PDE1C: variants seen among roughly 807,000 people sequenced by gnomAD.
PDE1C encodes dual specificity calcium/calmodulin-dependent 3',5'-cyclic nucleotide phosphodiesterase 1C.
Under a neutral mutation model 93.1 loss-of-function variants are expected in PDE1C, and 62 were observed. The observed-to-expected ratio is 0.67, with a 90% confidence interval of 0.54 to 0.82. PDE1C has a LOEUF of 0.82. PDE1C is among the 40% of genes least tolerant of loss of function. The pLI is 0.00. For missense variants in PDE1C, 742 were observed against 884.6 expected (o/e 0.84, Z 2.04); for synonymous variants, 325 against 310.1 (o/e 1.05, Z -0.50).
the PDE1C span, among the ~76,000 whole-genome samples, chr7:31,627,684 T>A: frequency 5.9e-4 from 47 of 80,122 alleles, no homozygotes; most frequent in African/African-American, 1.8e-3. Context: ...AAAAAAAAAA[T>A]TCAGTAAACA....
intron 1 of PDE1C, among the ~76,000 whole-genome samples, chr7:32,361,021 G>A (rs1053378324): frequency 1.3e-5 from 2 of 152,160 alleles, no homozygotes; most frequent in African/African-American, 4.8e-5. Flanking sequence ...CTATTTTACA[G>A]GCATGGAGGA....
the PDE1C span, among the ~76,000 whole-genome samples, chr7:31,625,514 T>C: frequency 6.6e-6 from 1 of 152,074 alleles, no homozygotes; most frequent in Non-Finnish European, 1.5e-5. Context: ...CAATAAACTA[T>C]TGCAAGAACA....
At chr7:32,422,559 G>C (rs1471125046) in intron 1 of PDE1C, among the ~76,000 whole-genome samples, 1 of 149,950 alleles carries the variant, frequency 6.7e-6, no homozygotes, top group East Asian at 2.0e-4. Flanking sequence ...CCAATGTTTA[G>C]TTCCCACTTA....
At chr7:31,691,797 TAAAA>T in the PDE1C span, among the ~76,000 whole-genome samples, 7 of 86,558 alleles carry the variant, frequency 8.1e-5, no homozygotes, top group Non-Finnish European at 1.3e-4. Context: ...ATGTAATGAT[TAAAA>T]AAAAAAAAAA....
intron 1 of PDE1C, among the ~76,000 whole-genome samples, chr7:32,287,500 C>A (rs914723706): frequency 1.3e-5 from 2 of 152,224 alleles, no homozygotes; most frequent in African/African-American, 4.8e-5. Flanking sequence ...ACAGTTATAC[C>A]AATGTCTGTG....
At chr7:32,367,021 TC>T (rs1213629368) in intron 1 of PDE1C, among the ~76,000 whole-genome samples, 1 of 150,826 alleles carries the variant, frequency 6.6e-6, no homozygotes, top group Non-Finnish European at 1.5e-5. Flanking sequence ...AGAGTGAGAC[TC>T]CATCAAAAAA....
the PDE1C span, among the ~76,000 whole-genome samples, chr7:31,739,708 T>A: frequency 6.6e-6 from 1 of 152,018 alleles, no homozygotes; most frequent in Non-Finnish European, 1.5e-5. Context: ...AGAAGCACAC[T>A]CTCAGTGCAG....
At chr7:31,736,055 T>C in the PDE1C span, among the ~76,000 whole-genome samples, 15 of 152,316 alleles carry the variant, frequency 9.8e-5, no homozygotes, top group East Asian at 1.2e-3. Flanking sequence ...GGATTTTTTT[T>C]CCCCAAATAT....
At chr7:31,697,289 A>G in the PDE1C span, among the ~76,000 whole-genome samples, 1 of 152,164 alleles carries the variant, frequency 6.6e-6, no homozygotes, top group Admixed American at 6.5e-5. Flanking sequence ...TATCTCTACT[A>G]GTAGCTCCCC....
At chr7:31,891,620 T>C (rs10236871) in intron 2 of PDE1C, among the ~76,000 whole-genome samples, 23,498 of 152,080 alleles carry the variant, frequency 0.15, 2,454 homozygotes, top group East Asian at 0.26. Context: ...ATTTATGTAA[T>C]ATTCTTAAAA....
chr7:31,935,136 C>T (rs550580205), intron 2 of PDE1C, among the ~76,000 whole-genome samples: 4 of 152,096 alleles, frequency 2.6e-5, no homozygotes, highest in Non-Finnish European at 4.4e-5. Context: ...ATAGTGCTAG[C>T]GTTGATACAG....
intron 17 of PDE1C, among the ~76,000 whole-genome samples, chr7:31,768,729 C>T (rs1795296596): frequency 6.6e-6 from 1 of 152,116 alleles, no homozygotes; most frequent in South Asian, 2.1e-4. Flanking sequence ...CTGATGTGCT[C>T]ACCCCTAATT....
the PDE1C span, among the ~76,000 whole-genome samples, chr7:31,675,481 C>T: frequency 6.6e-6 from 1 of 152,214 alleles, no homozygotes; most frequent in South Asian, 2.1e-4. Flanking sequence ...ACATCCCCCA[C>T]TGGACTTCTT....
the PDE1C span, among the ~76,000 whole-genome samples, chr7:31,636,588 G>A: frequency 2.0e-5 from 3 of 152,074 alleles, no homozygotes; most frequent in African/African-American, 7.2e-5. Flanking sequence ...TTCCCCTAAT[G>A]CCTATATAGT....
chr7:32,300,443 TA>T (rs1004894389), upstream of PDE1C, among the ~76,000 whole-genome samples: 1 of 152,162 alleles, frequency 6.6e-6, no homozygotes, highest in African/African-American at 2.4e-5. Flanking sequence ...AATCATCATG[TA>T]GTCCTTGAGA....
intron 2 of PDE1C, among the ~76,000 whole-genome samples, chr7:32,203,191 A>G (rs1004240967): frequency 4.6e-5 from 7 of 150,602 alleles, no homozygotes; most frequent in African/African-American, 1.7e-4. Context: ...TCCCCCACTC[A>G]TGGCATTTCT....
chr7:32,126,722 G>A (rs1034741772), intron 3 of PDE1C, among the ~76,000 whole-genome samples: 1 of 152,038 alleles, frequency 6.6e-6, no homozygotes, highest in Non-Finnish European at 1.5e-5. Context: ...TGAAATAATA[G>A]GGATAAACTA....
chr7:31,865,179 C>A, intron 6 of PDE1C, 97 bp from the exon 7 acceptor site: 1 of 1,171,222 alleles, frequency 8.5e-7, no homozygotes, highest in Non-Finnish European at 1.2e-6. Flanking sequence ...TCTCTGAAGG[C>A]ATAACACATG....
At chr7:32,138,890 T>G (rs1235246566) in intron 3 of PDE1C, among the ~76,000 whole-genome samples, 1 of 152,204 alleles carries the variant, frequency 6.6e-6, no homozygotes, top group Non-Finnish European at 1.5e-5. Context: ...CCTCAGAATT[T>G]TTTAATTTGA....
Sources: gnomAD v4.1 joint callset for allele counts (sites outside exome capture counted in the v4.1 genomes callset) on GRCh38, gnomAD v4.1.1 for gene constraint, MANE v1.5 for transcripts, NCBI Gene and HGNC (gene_info 2026-07-23, HGNC 2026-07-21) for gene names.